Variants in CNTN5 observed in about 807,000 individuals in gnomAD.
CNTN5 encodes the protein contactin 5.
Under a neutral mutation model 129.1 loss-of-function variants are expected in CNTN5, and 77 were observed. The observed-to-expected ratio is 0.60, with a 90% CI of 0.50 to 0.72. The LOEUF (loss-of-function observed/expected upper bound fraction) is 0.72. Ranked by LOEUF, CNTN5 falls within the 30% of genes least tolerant of loss-of-function variation. CNTN5 has a pLI of 0.00. For missense variants in CNTN5, 1,478 were observed against 1,328.8 expected, an observed-to-expected ratio of 1.11 and a Z score of -1.75; for synonymous variants, 509 against 465.6, an observed-to-expected ratio of 1.09 and a Z score of -1.20.
intron 3 of CNTN5, among the ~76,000 whole-genome samples, chr11:99,613,298 G>C (rs1220138961): frequency 1.3e-5 from 2 of 152,124 alleles, no homozygotes; most frequent in Non-Finnish European, 2.9e-5. Context: ...GAGATCTGAT[G>C]GTTTTATAAG....
At chr11:99,076,172 G>A (rs948663222) in intron 1 of CNTN5, among the ~76,000 whole-genome samples, 1 of 151,304 alleles carries the variant, frequency 6.6e-6, no homozygotes, top group Non-Finnish European at 1.5e-5. Context: ...TGTCTCCACT[G>A]AAAAAAAAGA....
chr11:99,782,943 A>G (rs1167671075), intron 3 of CNTN5, among the ~76,000 whole-genome samples: 1 of 151,832 alleles, frequency 6.6e-6, no homozygotes, highest in Non-Finnish European at 1.5e-5. Flanking sequence ...CTAAAACACC[A>G]AAAGCAATGG....
chr11:99,986,299 T>C (rs555148946), intron 8 of CNTN5, among the ~76,000 whole-genome samples: 39 of 152,314 alleles, frequency 2.6e-4, no homozygotes, highest in Admixed American at 3.3e-4. Context: ...GCCCCATTCA[T>C]TTCATGATTA....
chr11:99,423,037 C>T (rs1198862094), intron 2 of CNTN5, among the ~76,000 whole-genome samples: 5 of 152,254 alleles, frequency 3.3e-5, no homozygotes, highest in South Asian at 2.1e-4. Context: ...AGGAAATACA[C>T]TAAGAGACTG....
chr11:99,101,334 A>G (rs1289640342), intron 1 of CNTN5, among the ~76,000 whole-genome samples: 4 of 152,258 alleles, frequency 2.6e-5, no homozygotes, highest in Admixed American at 1.3e-4. Context: ...GGCCTCTCCC[A>G]AATCTCATGT....
intron 3 of CNTN5, among the ~76,000 whole-genome samples, chr11:99,809,782 G>A (rs1417787806): frequency 2.6e-5 from 4 of 152,080 alleles, no homozygotes; most frequent in Non-Finnish European, 4.4e-5. Flanking sequence ...TAATTGCTAA[G>A]CAATGCTAGC....
At chr11:99,931,710 C>T (rs1050058180) in intron 7 of CNTN5, among the ~76,000 whole-genome samples, 10 of 152,166 alleles carry the variant, frequency 6.6e-5, no homozygotes, top group Admixed American at 2.6e-4. Context: ...AAGTGGTCAA[C>T]CAGTCAAATT....
chr11:99,434,425 T>C (rs1191832267), intron 2 of CNTN5, among the ~76,000 whole-genome samples: 2 of 152,190 alleles, frequency 1.3e-5, no homozygotes, highest in African/African-American at 4.8e-5. Flanking sequence ...TACAACATTA[T>C]ATTATATATT....
At chr11:99,943,217 T>C (rs2136119272) in intron 7 of CNTN5, among the ~76,000 whole-genome samples, 1 of 152,292 alleles carries the variant, frequency 6.6e-6, no homozygotes, top group African/African-American at 2.4e-5. Context: ...GACTTTTTAA[T>C]GATCGCCATT....
At chr11:99,540,466 C>G (rs569076094) in intron 2 of CNTN5, among the ~76,000 whole-genome samples, 96 of 152,214 alleles carry the variant, frequency 6.3e-4, no homozygotes, top group African/African-American at 2.2e-3. Flanking sequence ...AGGTTCAGAT[C>G]AGGAGACACA....
intron 3 of CNTN5, among the ~76,000 whole-genome samples, chr11:99,637,417 AAC>A (rs1951603551): frequency 1.3e-5 from 2 of 152,334 alleles, no homozygotes; most frequent in Admixed American, 6.5e-5. Context: ...AACATAAGCA[AAC>A]ACATCACATG....
rs564537007 is a variant in CNTN5, at chr11:99,355,943, C to A, written c.-71+30459C>A. Among the ~76,000 whole-genome samples the A allele has an allele frequency of 4.6e-5, 7 of 151,832 alleles. No individual in the cohort carries two copies. The South Asian group carries it at 1.5e-3, about 32-fold the overall frequency. On this transcript the variant is annotated intron_variant, in intron 2 of 24. Coordinates refer to ENST00000524871, the MANE Select transcript of CNTN5 (RefSeq NM_014361.4). ...TTGGGTTCATGCCATTCTTCTGCCT[C>A]AGCCTCCCAAGTAGCTGGGACTACA...
intron 4 of CNTN5, among the ~76,000 whole-genome samples, chr11:99,822,129 C>G (rs1946820251): frequency 6.6e-6 from 1 of 151,948 alleles, no homozygotes. Context: ...AGTAACAGAG[C>G]CTGAATAGAA....
intron 4 of CNTN5, among the ~76,000 whole-genome samples, chr11:99,823,975 A>G (rs1166133750): frequency 6.6e-6 from 1 of 152,200 alleles, no homozygotes; most frequent in East Asian, 1.9e-4. Flanking sequence ...CTAGAGATTC[A>G]TGTATCTTGG....
chr11:99,024,623 G>T (rs1197769097), intron 1 of CNTN5, among the ~76,000 whole-genome samples: 1 of 151,910 alleles, frequency 6.6e-6, no homozygotes. Context: ...TCCCAGAGTA[G>T]TGCATGTTAT....
chr11:99,797,528 G>A (rs987345499), intron 3 of CNTN5, among the ~76,000 whole-genome samples: 2 of 152,104 alleles, frequency 1.3e-5, no homozygotes, highest in African/African-American at 4.8e-5. Context: ...CTATGATGAT[G>A]AATGATGTGA....
intron 4 of CNTN5, among the ~76,000 whole-genome samples, chr11:99,820,329 A>G (rs151329729): frequency 3.0e-4 from 45 of 152,412 alleles, no homozygotes; most frequent in African/African-American, 9.6e-4. Flanking sequence ...CCTATCCTTC[A>G]ATCCAGTGGT....
rs375182584 is a variant in CNTN5, at chr11:99,332,053, T to G, written c.-71+6569T>G. On this transcript the variant is annotated intron_variant, in intron 2 of 24. Transcript: ENST00000524871. ...AGATGAGTTAATGATAATAAATTAC[T>G]GTTGTTTTAAAACATAAAGTTTTGG... 4.6e-5 allele frequency among the ~76,000 whole-genome samples: 7 copies of G among 152,288 alleles called. No individual in the cohort carries two copies. In the East Asian group the frequency reaches 7.7e-4, roughly 17 times the overall value.
intron 13 of CNTN5, among the ~76,000 whole-genome samples, chr11:100,096,313 G>A (rs1224829702): frequency 6.6e-6 from 1 of 151,940 alleles, no homozygotes; most frequent in Admixed American, 6.6e-5. Context: ...CTATTTCATT[G>A]GTTTTGCGAG....
Sources: gnomAD v4.1 joint callset for allele counts (sites outside exome capture counted in the v4.1 genomes callset) on GRCh38, gnomAD v4.1.1 for gene constraint, MANE v1.5 for transcripts, NCBI Gene and HGNC (gene_info 2026-07-23, HGNC 2026-07-21) for gene names.